UCP1: variants seen among roughly 807,000 people sequenced by gnomAD.
The protein encoded by UCP1 is uncoupling protein 1.
UCP1 carries 24 observed loss-of-function variants against 26.2 expected under a neutral mutation model. That is an observed-to-expected ratio of 0.92 (90% CI 0.66 to 1.29). UCP1 has a LOEUF of 1.29. Ranked by LOEUF, UCP1 falls within the 50% of genes most tolerant of loss-of-function variation. The probability of loss-of-function intolerance (pLI) is 0.00; values close to 1 mark genes in which losing one functional copy is unlikely to be tolerated. For missense variants in UCP1, 402 were observed against 388.7 expected, an observed-to-expected ratio of 1.03 and a Z score of -0.29; for synonymous variants, 164 against 156.8, an observed-to-expected ratio of 1.05 and a Z score of -0.34.
Position 140,562,386 on chromosome 4 carries a change from G to A in UCP1, c.629-13C>T, listed in dbSNP as rs202197292. Reference sequence around the variant, plus strand: ...CAGGGGACGTCATCTAAAATGGATCGATGAAACAGGTCAACATCAGACTTT... The same window carrying A: ...CAGGGGACGTCATCTAAAATGGATCAATGAAACAGGTCAACATCAGACTTT... On this transcript the variant is annotated splice_polypyrimidine_tract_variant and intron_variant, in intron 4 of 5. Transcript: ENST00000262999. 157 of 1,613,562 alleles carry A rather than the reference G, an allele frequency of 9.7e-5. No individual in the cohort carries two copies. Among genetic ancestry groups the A allele is most frequent in the Non-Finnish European group, 1.3e-4 (148 of 1,179,844 alleles).
intron 2 of UCP1, among the ~76,000 whole-genome samples, chr4:140,566,975 T>C (rs1367641049): frequency 2.0e-5 from 3 of 152,196 alleles, no homozygotes; most frequent in Non-Finnish European, 4.4e-5. Context: ...CTGTGTGACC[T>C]TGGGCAAGTG....
rs1335470259 is a variant in UCP1, at chr4:140,562,257, T to C, written c.745A>G (p.Lys249Glu). ...RFINSPPGQYKSVPNCAMKVF... is the reference protein window; with the variant it reads ...RFINSPPGQYESVPNCAMKVF... ...TTCATTGCACAGTTGGGCACACTTT[T>C]GTACTGTCCTGGTGGAGAATTAATA... Residue 249 changes from lysine to glutamate, a missense_variant, in exon 5 of 6, where the codon AAA becomes GAA. By Grantham distance (56) the Lys-to-Glu change is moderately conservative. Coordinates refer to ENST00000262999, the MANE Select transcript of UCP1 (RefSeq NM_021833.5). The C allele has an allele frequency of 1.9e-6, 3 of 1,614,050 alleles. No homozygotes were observed. The highest frequency in any genetic ancestry group is 2.5e-6 in the Non-Finnish European group (3 of 1,180,012).
chr4:140,562,696 T>C (rs1168951059), intron 4 of UCP1, among the ~76,000 whole-genome samples: 2 of 152,174 alleles, frequency 1.3e-5, no homozygotes, highest in African/African-American at 4.8e-5. Context: ...GTTAGAATAT[T>C]ATTTTTAAGA....
chr4:140,559,959 C>T lies in UCP1; in HGVS notation c.861G>A (p.Val287=). 6.2e-7 allele frequency: 1 copy of T among 1,614,008 alleles called. No homozygotes were observed. The highest frequency in any genetic ancestry group is 1.3e-5 in the African/African-American group (1 of 74,998). ...GTTCTCGTTTCAGTTGTTCAAAGCA[C>T]ACAAACATAATGACGTTCCAGGATC... ...RLGSWNVIMF[V]CFEQLKRELS... is the part of the protein sequence containing the mutation. Residue 287 remains valine, a synonymous_variant, in exon 6 of 6, where the codon GTG becomes GTA. Transcript: ENST00000262999.
rs148892327 is a variant in UCP1 at position 140,561,062 on chromosome 4, G to A, written c.810-1052C>T. ...TGTTGTAGTATTTCTTCCCCAAAAG[G>A]TTTTTAAATTTGAAAAAAATAAAAT... On this transcript the variant is annotated intron_variant, in intron 5 of 5. Transcript: ENST00000262999. Among the ~76,000 whole-genome samples the A allele has an allele frequency of 2.1e-3, 317 of 152,130 alleles. 2 individuals carry two copies. Among genetic ancestry groups the A allele is most frequent in the Middle Eastern group, 0.01 (3 of 294 alleles).
intron 2 of UCP1, 27 bp downstream of exon 2, chr4:140,567,752 C>T: frequency 6.2e-7 from 1 of 1,613,054 alleles, no homozygotes; most frequent in Non-Finnish European, 8.5e-7. Context: ...GGCTTTTCTG[C>T]CCCTCCCAGG....
At chr4:140,564,976 G>A (rs1735766054) in intron 2 of UCP1, among the ~76,000 whole-genome samples, 1 of 152,110 alleles carries the variant, frequency 6.6e-6, no homozygotes. Context: ...TGCTGAAGAT[G>A]TTTTTGCTAG....
Position 140,562,627 on chromosome 4 carries a change from A to G in UCP1, c.629-254T>C, listed in dbSNP as rs114470895. 2.0e-3 allele frequency among the ~76,000 whole-genome samples: 302 copies of G among 152,340 alleles called. 2 individuals are homozygous for G. The highest frequency in any genetic ancestry group is 6.9e-3 in the African/African-American group (286 of 41,584). On this transcript the variant is annotated intron_variant, in intron 4 of 5. Transcript: ENST00000262999. The stretch of plus-strand genomic sequence containing the variant: ...TTTAAGGCCTGTAATAATGCCTAAT[A>G]TATGAGCATCTAATACTTTTTTATT...
In UCP1 at chr4:140,562,244, T is replaced by G; in HGVS notation, c.758A>C (p.Asn253Thr). 1 of 1,614,188 alleles carries G rather than the reference T, an allele frequency of 6.2e-7. No individual in the cohort carries two copies. Among genetic ancestry groups the G allele is most frequent in the East Asian group, 2.2e-5 (1 of 44,876 alleles). The change falls in exon 5 of 6, where the codon AAC (asparagine) becomes ACC (threonine). Residue 253 changes from asparagine (N) to threonine (T), a missense_variant. Transcript: ENST00000262999. Reference protein sequence around the residue: ...SPPGQYKSVPNCAMKVFTNEG... With the variant: ...SPPGQYKSVPTCAMKVFTNEG... ...GTTAGTGAACACTTTCATTGCACAGTTGGGCACACTTTTGTACTGTCCTGG... is the reference window on the plus strand; with the variant it reads ...GTTAGTGAACACTTTCATTGCACAGGTGGGCACACTTTTGTACTGTCCTGG...
At position 140,568,052 on chromosome 4, in the gene UCP1, T is replaced by C. The variant is rs528929543; in HGVS notation, c.127-75A>G. 65 of 1,519,314 alleles carry C rather than the reference T, an allele frequency of 4.3e-5. No homozygotes were observed. In the East Asian group the frequency reaches 1.4e-3, roughly 34 times the overall value. 94.1% of individuals were successfully genotyped at this position (1,519,314 alleles called of 1,614,324 possible). ...CTTAAGCCAAGATTTCCCCCTGTGT[T>C]CCTATTTTCCGTTTCTTTTCTCAGC... On this transcript the variant is annotated intron_variant, in intron 1 of 5. Transcript: ENST00000262999.
chr4:140,562,007 C>T (rs1735686564), intron 5 of UCP1, among the ~76,000 whole-genome samples, 186 bp downstream of exon 5: 1 of 152,178 alleles, frequency 6.6e-6, no homozygotes, highest in South Asian at 2.1e-4. Context: ...ATTTGAATAT[C>T]ATGGCTTTTT....
chr4:140,563,344 G>A lies in UCP1; in HGVS notation c.500C>T (p.Thr167Ile). The A allele has an allele frequency of 6.2e-7, 1 of 1,614,108 alleles. No homozygotes were observed. Among genetic ancestry groups the A allele is most frequent in the Non-Finnish European group, 8.5e-7 (1 of 1,180,022 alleles). ...TYNAYRIIATTEGLTGLWKGT... is the reference protein window; with the variant it reads ...TYNAYRIIATIEGLTGLWKGT... ...TTTCCAAAGACCCGTCAAGCCTTCG[G>A]TTGTTGCTATTATTCTGTACGCATT... The change falls in exon 3 of 6, where the codon ACC (threonine) becomes ATC (isoleucine). Residue 167 changes from threonine (T) to isoleucine (I), a missense_variant. Thr to Ile is a moderately conservative substitution (Grantham distance 89). Coordinates refer to ENST00000262999, the MANE Select transcript of UCP1 (RefSeq NM_021833.5).
At chr4:140,564,306 T>C (rs1735752220) in intron 2 of UCP1, among the ~76,000 whole-genome samples, 1 of 152,050 alleles carries the variant, frequency 6.6e-6, no homozygotes, top group Non-Finnish European at 1.5e-5. Flanking sequence ...GGAACAAAAA[T>C]AAGAAGACAG....
rs1456286398 is a variant in UCP1, at chr4:140,568,726, C to A, written c.4G>T (p.Gly2Trp). ...TGTACGTCCGAGGCTGTCAGGCCCC[C>A]CATCTTCACTCAGAGACTGGAGATG... The part of the protein sequence containing the change: M[G>W]GLTASDVHPT... Residue 2 changes from glycine (G) to tryptophan (W), a missense_variant, in exon 1 of 6, where the codon GGG becomes TGG. Physicochemically the swap from Gly to Trp is radical, Grantham distance 184 (BLOSUM62 -2). Transcript: ENST00000262999. The A allele has an allele frequency of 1.3e-6, 2 of 1,589,820 alleles. No individual in the cohort carries two copies. The highest frequency in any genetic ancestry group is 2.3e-5 in the East Asian group (1 of 43,926).
intron 1 of UCP1, 119 bp downstream of exon 1, chr4:140,568,485 G>A (rs1313947000): frequency 2.0e-6 from 3 of 1,520,994 alleles, no homozygotes; most frequent in African/African-American, 2.7e-5. Context: ...AGACTGCTTT[G>A]GAAGGTCACC....
chr4:140,567,895 C>T lies in UCP1; in HGVS notation c.209G>A (p.Gly70Glu). The T allele has an allele frequency of 6.2e-7, 1 of 1,614,148 alleles. No homozygotes were observed. The highest frequency in any genetic ancestry group is 8.5e-7 in the Non-Finnish European group (1 of 1,180,020). The stretch of plus-strand genomic sequence containing the variant: ...CAGCCCGCTGTAGAGTTTCATCCGC[C>T]CTTCTGTTTTTACCACAGCGGTGAT... ...GTITAVVKTEGRMKLYSGLPA... is the reference protein window; with the variant it reads ...GTITAVVKTEERMKLYSGLPA... Residue 70 changes from glycine (G) to glutamate (E), a missense_variant, in exon 2 of 6, where the codon GGG (glycine) becomes GAG (glutamate). By Grantham distance (98) the Gly-to-Glu change is moderately conservative. Transcript: ENST00000262999.
Position 140,568,600 on chromosome 4 carries a change from C to T in UCP1, c.126+4G>A, listed in dbSNP as rs1735857006. 6.2e-7 allele frequency: 1 copy of T among 1,613,706 alleles called. No homozygotes were observed. Among genetic ancestry groups the T allele is most frequent in the South Asian group, 1.1e-5 (1 of 90,924 alleles). On this transcript the variant is annotated splice_donor_region_variant and intron_variant, in intron 1 of 5. Coordinates refer to ENST00000262999, the MANE Select transcript of UCP1 (RefSeq NM_021833.5). The stretch of plus-strand genomic sequence containing the variant: ...CCCCTTGTCTTACCCCTCTGCCTAG[C>T]TACCTGGAGCCGGACTTTGGCCGTG...
At chr4:140,563,601 A>G (rs1185836284) in intron 2 of UCP1, 83 bp from the exon 3 acceptor site, 2 of 1,308,242 alleles carry the variant, frequency 1.5e-6, no homozygotes, top group Non-Finnish European at 1.0e-6. Context: ...TCAGTGGTTC[A>G]TATTTTTGTA....
chr4:140,564,532 A>T (rs957478585), intron 2 of UCP1, among the ~76,000 whole-genome samples: 2 of 152,152 alleles, frequency 1.3e-5, no homozygotes, highest in African/African-American at 4.8e-5. Context: ...AATAATATCT[A>T]CCTCTTAGAG....
Sources: gnomAD v4.1 joint callset for allele counts (sites outside exome capture counted in the v4.1 genomes callset) on GRCh38, gnomAD v4.1.1 for gene constraint, MANE v1.5 for transcripts, NCBI Gene and HGNC (gene_info 2026-07-23, HGNC 2026-07-21) for gene names.